The following MYO15B variants were observed in gnomAD, a reference collection of about 807,000 sequenced individuals.
MYO15B encodes the protein myosin XVB.
Under a neutral mutation model 119.3 loss-of-function variants are expected in MYO15B, and 207 were observed. The ratio of observed to expected loss-of-function variants is 1.73; its 90% confidence interval spans 1.55 to 1.95. The LOEUF is 1.95. Among genes scored for constraint, MYO15B ranks in the 30% most tolerant of loss-of-function variants. MYO15B has a pLI of 0.00. For synonymous variants in MYO15B, 966 were observed against 498.9 expected (o/e 1.94, Z -12.48); for missense variants, 2,264 against 1,203.1 (o/e 1.88, Z -13.04).
chr17:75,621,499 A>G lies in MYO15B; in HGVS notation c.7936-2A>G. The G allele has an allele frequency of 1.4e-6, 1 of 701,632 alleles. No homozygotes were observed. The highest frequency in any genetic ancestry group is 2.6e-6 in the Non-Finnish European group (1 of 383,878). The allele number at this position is 701,632 out of a possible 1,614,324, so 43.5% of individuals were successfully genotyped here. Reference sequence around the variant, plus strand: ...CCCATGGCCTCCTCTCTTTGGCCACAGGCTCCCATCCAGGAGTCGCTCCTC... The same window carrying G: ...CCCATGGCCTCCTCTCTTTGGCCACGGGCTCCCATCCAGGAGTCGCTCCTC... On this transcript the variant is annotated splice_acceptor_variant, in intron 51 of 63. Coordinates refer to ENST00000645453, the Ensembl canonical transcript of MYO15B. LOFTEE classifies it high-confidence loss of function.
intron 22 of MYO15B, 92 bp from the exon 23 acceptor site, chr17:75,610,808 G>A (rs1471721263): frequency 5.7e-6 from 4 of 698,218 alleles, no homozygotes; most frequent in Non-Finnish European, 1.0e-5. Flanking sequence ...CCTCCCAGGG[G>A]CAGGAGGGGA....
Position 75,592,514 on chromosome 17 carries a change from A to AT in MYO15B, c.2802_2803insT (p.Pro935SerfsTer25). 1.6e-6 allele frequency: 1 copy of AT among 606,306 alleles called. No homozygotes were observed. Among genetic ancestry groups the AT allele is most frequent in the Non-Finnish European group, 2.9e-6 (1 of 339,486 alleles). 37.6% of individuals were successfully genotyped at this position (606,306 alleles called of 1,614,324 possible). ...AGCGGGAGCGGCTCTCCCTGCAGGG[A>AT]CCGGAGACTTACTACTACCTCAACC... is the stretch of plus-strand genomic sequence containing the variant. On this transcript the variant is annotated frameshift_variant, in exon 8 of 64. Coordinates refer to ENST00000645453, the Ensembl canonical transcript of MYO15B. LOFTEE classifies it high-confidence loss of function.
At chr17:75,621,880 C>T (rs910895091) in intron 52 of MYO15B, 124 bp from the exon 53 acceptor site, 5 of 635,386 alleles carry the variant, frequency 7.9e-6, no homozygotes, top group African/African-American at 7.2e-5. Context: ...CCCTGGCTGG[C>T]ATCTATGCAT....
exon 1 of MYO15B, chr17:75,588,976 G>A: frequency 5.0e-6 from 2 of 398,160 alleles, no homozygotes; most frequent in Non-Finnish European, 8.9e-6. Context: ...GGTCGGAAAG[G>A]CGGTGGGGCA....
chr17:75,596,746 G>A (rs1475629705), intron 13 of MYO15B, 22 bp from the exon 14 acceptor site: 5 of 692,182 alleles, frequency 7.2e-6, no homozygotes, highest in Non-Finnish European at 1.3e-5. Flanking sequence ...CTGCAAAATG[G>A]CCAAATGCCG....
At chr17:75,588,732 G>C in exon 1 of MYO15B, 1 of 397,288 alleles carries the variant, frequency 2.5e-6, no homozygotes, top group Non-Finnish European at 4.4e-6. Flanking sequence ...AAGGGTCGTC[G>C]GGGACGGGGC....
chr17:75,589,166 T>G lies in MYO15B; in HGVS notation c.1109T>G (p.Val370Gly), dbSNP rs1428319874. The change falls in exon 1 of 64, where the codon GTA becomes GGA. Residue 370 changes from valine to glycine, a missense_variant. Physicochemically the swap from Val to Gly is moderately radical, Grantham distance 109. Transcript: ENST00000645453. This position sits in a 1 kb window ranked among gnomAD's most constrained non-coding sequence, Gnocchi z 4.2. ...GGCCTCAAGGAGCGGCTCCTGAGTG[T>G]AGCGCGAGCCCTGGGCCTCCTGCGC... is the stretch of plus-strand genomic sequence containing the variant. 7.6e-6 allele frequency: 3 copies of G among 393,032 alleles called. No individual in the cohort carries two copies. Among genetic ancestry groups the G allele is most frequent in the African/African-American group, 6.2e-5 (3 of 48,242 alleles). 24.3% of individuals were successfully genotyped at this position (393,032 alleles called of 1,614,324 possible). A position where few individuals can be genotyped will look rare whatever the true frequency, so the allele number is the denominator to read the frequency against.
chr17:75,604,171 A>G (rs1202638833), intron 19 of MYO15B, among the ~76,000 whole-genome samples: 1 of 152,156 alleles, frequency 6.6e-6, no homozygotes, highest in African/African-American at 2.4e-5. Flanking sequence ...TGTCTCTGCC[A>G]TCTGGAAACC....
chr17:75,615,157 G>C, intron 33 of MYO15B, 83 bp from the exon 34 acceptor site: 1 of 679,504 alleles, frequency 1.5e-6, no homozygotes, highest in Non-Finnish European at 2.7e-6. Flanking sequence ...CCCGGTGCCC[G>C]ATGCTCTTCT....
exon 15 of MYO15B, chr17:75,601,442 C>T (rs745788271): frequency 5.7e-6 from 4 of 702,904 alleles, no homozygotes; most frequent in South Asian, 1.5e-5. Flanking sequence ...TCCTAGGCCA[C>T]GGACCACACC....
chr17:75,621,969 C>T, intron 52 of MYO15B, 35 bp from the exon 53 acceptor site: 1 of 702,356 alleles, frequency 1.4e-6, no homozygotes, highest in Non-Finnish European at 2.6e-6. Flanking sequence ...CAGCACAGCC[C>T]CAGCTATGTG....
chr17:75,618,250 C>G (rs966839795), intron 43 of MYO15B, 65 bp downstream of exon 43: 26 of 699,570 alleles, frequency 3.7e-5, no homozygotes, highest in South Asian at 2.4e-4. Context: ...TGCCCTTTGT[C>G]TAATGGCTGG....
chr17:75,596,961 C>G, intron 14 of MYO15B, 62 bp downstream of exon 14: 1 of 635,262 alleles, frequency 1.6e-6, no homozygotes, highest in South Asian at 1.8e-5. Flanking sequence ...CCTGGGTGTC[C>G]AGGCTGTAGC....
intron 14 of MYO15B, among the ~76,000 whole-genome samples, chr17:75,600,369 TGTGGGACCATTCTCCC>T (rs2057180866): frequency 6.6e-6 from 1 of 151,776 alleles, no homozygotes; most frequent in Admixed American, 6.6e-5. Flanking sequence ...CACATGTGAT[TGTGGGACCATTCTCCC>T]AGGAATGATT....
chr17:75,616,958 G>A (rs927805400), exon 40 of MYO15B: 10 of 702,780 alleles, frequency 1.4e-5, no homozygotes, highest in Admixed American at 6.0e-5. Context: ...ACTCGTCCCC[G>A]CCGGTGAGCA....
chr17:75,601,475 A>G, exon 15 of MYO15B: 1 of 703,030 alleles, frequency 1.4e-6, no homozygotes, highest in Non-Finnish European at 2.6e-6. Flanking sequence ...AGCCACTATC[A>G]CCATGGTGAC....
chr17:75,614,251 G>A (rs1287398629), exon 30 of MYO15B: 17 of 702,808 alleles, frequency 2.4e-5, no homozygotes, highest in East Asian at 8.0e-5. Flanking sequence ...CTCCAGGGAC[G>A]CATGGCAGGA....
At chr17:75,609,438 G>A (rs554277031) in intron 21 of MYO15B, among the ~76,000 whole-genome samples, 38 of 150,560 alleles carry the variant, frequency 2.5e-4, no homozygotes, top group Non-Finnish European at 4.9e-4. Flanking sequence ...GCCTCTTAGA[G>A]TGCTGGGATT....
At chr17:75,590,810 T>C (rs1376973358) in intron 2 of MYO15B, 97 bp from the exon 3 acceptor site, 1 of 205,916 alleles carries the variant, frequency 4.9e-6, no homozygotes, top group South Asian at 1.2e-4. Context: ...CGGTGAACCC[T>C]CTCTGGAGCC....
Sources: gnomAD v4.1 joint callset for allele counts (sites outside exome capture counted in the v4.1 genomes callset) on GRCh38, gnomAD v4.1.1 for gene constraint, Gnocchi (gnomAD v3.1) non-coding constraint, MANE v1.5 for transcripts, NCBI Gene and HGNC (gene_info 2026-07-23, HGNC 2026-07-21) for gene names.